CCSER1: variants seen among roughly 807,000 people sequenced by gnomAD.
The protein encoded by CCSER1 is coiled-coil serine rich protein 1, also known as serine-rich coiled-coil domain-containing protein 1.
In CCSER1, 41 loss-of-function variants were observed where a neutral mutation model predicts 82.0. The observed-to-expected ratio is 0.50, with a 90% CI of 0.39 to 0.65. The LOEUF is 0.65. Ranked by LOEUF, CCSER1 falls within the 30% of genes least tolerant of loss-of-function variation. The pLI, the probability that CCSER1 is intolerant of heterozygous loss-of-function variation, is 0.00. For missense variants in CCSER1, 1,119 were observed against 1,064.2 expected, an observed-to-expected ratio of 1.05 and a Z score of -0.72; for synonymous variants, 414 against 383.9, an observed-to-expected ratio of 1.08 and a Z score of -0.92.
At chr4:91,209,592 T>C (rs1281612063) in intron 10 of CCSER1, among the ~76,000 whole-genome samples, 1 of 152,006 alleles carries the variant, frequency 6.6e-6, no homozygotes, top group Non-Finnish European at 1.5e-5. Flanking sequence ...AGCTTTTTGA[T>C]GTGCAGCTGG....
intron 1 of CCSER1, among the ~76,000 whole-genome samples, chr4:90,177,988 C>T (rs61394011): frequency 0.29 from 43,578 of 151,852 alleles, 7,973 homozygotes; most frequent in East Asian, 0.65. Flanking sequence ...TTTTCAGATG[C>T]TCAACCAGAA....
chr4:90,368,770 A>G (rs959154980), intron 3 of CCSER1, among the ~76,000 whole-genome samples: 8 of 151,414 alleles, frequency 5.3e-5, no homozygotes, highest in Admixed American at 1.3e-4. Flanking sequence ...ATAAATACGC[A>G]CACACACACA....
intron 1 of CCSER1, among the ~76,000 whole-genome samples, chr4:90,181,302 T>C (rs1376684703): frequency 6.6e-6 from 1 of 152,188 alleles, no homozygotes; most frequent in African/African-American, 2.4e-5. Context: ...TTAATTCATA[T>C]AAAATGTCAG....
chr4:90,482,014 G>A (rs555393083), intron 5 of CCSER1, among the ~76,000 whole-genome samples: 102 of 152,162 alleles, frequency 6.7e-4, no homozygotes, highest in African/African-American at 2.2e-3. Context: ...ACTTTTTTTG[G>A]TTGGTAAGCT....
At chr4:90,487,599 T>A (rs1210676528) in intron 5 of CCSER1, among the ~76,000 whole-genome samples, 1 of 152,222 alleles carries the variant, frequency 6.6e-6, no homozygotes, top group African/African-American at 2.4e-5. Flanking sequence ...TCAATAAGCA[T>A]GTATGGAATA....
At chr4:90,627,904 T>A in intron 5 of CCSER1, 121 bp from the exon 6 acceptor site, 1 of 723,542 alleles carries the variant, frequency 1.4e-6, no homozygotes, top group South Asian at 1.8e-5. Context: ...TAAACTAATA[T>A]CATGAAATGA....
intron 5 of CCSER1, among the ~76,000 whole-genome samples, chr4:90,563,660 A>G (rs1337621657): frequency 1.3e-5 from 2 of 152,124 alleles, no homozygotes; most frequent in Non-Finnish European, 2.9e-5. Context: ...GTGTATATAT[A>G]TTACATTTTC....
intron 1 of CCSER1, among the ~76,000 whole-genome samples, chr4:90,205,167 T>C (rs1410207489): frequency 2.6e-5 from 4 of 152,046 alleles, no homozygotes; most frequent in African/African-American, 7.2e-5. Context: ...CTGTCTTCGT[T>C]TTTGAATACC....
intron 8 of CCSER1, among the ~76,000 whole-genome samples, chr4:90,863,245 C>T (rs528149484): frequency 6.6e-5 from 10 of 151,898 alleles, no homozygotes; most frequent in South Asian, 6.2e-4. Context: ...CAATTTCATC[C>T]GTGTCCCTGG....
intron 1 of CCSER1, among the ~76,000 whole-genome samples, chr4:90,289,701 A>C (rs1696270871): frequency 6.6e-6 from 1 of 151,944 alleles, no homozygotes. Context: ...TATTCAGTCA[A>C]GAATTTGATG....
chr4:90,468,414 A>G, intron 5 of CCSER1, 60 bp downstream of exon 5: 1 of 1,446,500 alleles, frequency 6.9e-7, no homozygotes, highest in Admixed American at 2.1e-5. Flanking sequence ...CTGATAAGAA[A>G]ATGTGATTTA....
chr4:91,190,545 C>T (rs753034895), intron 10 of CCSER1, among the ~76,000 whole-genome samples: 1 of 152,030 alleles, frequency 6.6e-6, no homozygotes, highest in Non-Finnish European at 1.5e-5. Flanking sequence ...TTCCACAAAG[C>T]CTGACTTTCA....
At chr4:90,699,227 G>A (rs145412766) in intron 6 of CCSER1, among the ~76,000 whole-genome samples, 345 of 152,262 alleles carry the variant, frequency 2.3e-3, no homozygotes, top group African/African-American at 7.8e-3. Flanking sequence ...ACTTCAGGAA[G>A]TCGAGGCAGG....
chr4:90,672,354 G>C (rs11726364), intron 6 of CCSER1, among the ~76,000 whole-genome samples: 69,702 of 151,796 alleles, frequency 0.46, 16,399 homozygotes, highest in Middle Eastern at 0.59. Context: ...TTTATGTTAT[G>C]GCTTCTTTCC....
At chr4:91,384,071 A>AT (rs200662157) in intron 10 of CCSER1, among the ~76,000 whole-genome samples, 4 of 151,990 alleles carry the variant, frequency 2.6e-5, no homozygotes, top group East Asian at 1.9e-4. Context: ...GCTAAAGTGA[A>AT]TTTTTTTTGT....
At chr4:90,389,961 A>C (rs1238171210) in intron 3 of CCSER1, among the ~76,000 whole-genome samples, 3 of 152,166 alleles carry the variant, frequency 2.0e-5, no homozygotes, top group African/African-American at 7.2e-5. Flanking sequence ...CATTATCATG[A>C]GGCATTTTTA....
chr4:90,465,099 G>A (rs761533429), intron 4 of CCSER1, among the ~76,000 whole-genome samples: 18 of 151,994 alleles, frequency 1.2e-4, no homozygotes, highest in Non-Finnish European at 2.5e-4. Context: ...AAGTAGCCGG[G>A]ATTACAGGCA....
At chr4:90,865,269 A>G (rs1372482381) in intron 8 of CCSER1, among the ~76,000 whole-genome samples, 2 of 152,074 alleles carry the variant, frequency 1.3e-5, no homozygotes, top group Admixed American at 1.3e-4. Flanking sequence ...TGCTTTTGCT[A>G]TAGTCATGAA....
chr4:91,397,249 A>C (rs1362924536), intron 10 of CCSER1, among the ~76,000 whole-genome samples: 1 of 152,070 alleles, frequency 6.6e-6, no homozygotes, highest in Non-Finnish European at 1.5e-5. Flanking sequence ...TTACATGATG[A>C]CAAGAGAGAA....
Sources: allele counts gnomAD v4.1 joint callset (sites outside exome capture counted in the v4.1 genomes callset), GRCh38; gene constraint gnomAD v4.1.1; transcripts MANE v1.5; gene names NCBI Gene and HGNC (gene_info 2026-07-23, HGNC 2026-07-21).